NRAP: variants seen among roughly 807,000 people sequenced by gnomAD.
NRAP encodes nebulin-related-anchoring protein.
A neutral mutation model predicts 225.9 loss-of-function variants in NRAP; 189 were observed. That is an observed-to-expected ratio of 0.84 (90% CI 0.74 to 0.94). NRAP has a LOEUF of 0.94. Ranked by LOEUF, NRAP falls within the 40% of genes least tolerant of loss-of-function variation. The pLI, the probability that NRAP is intolerant of heterozygous loss-of-function variation, is 0.00. For synonymous variants in NRAP, 769 were observed against 790.7 expected (o/e 0.97, Z 0.46); for missense variants, 2,176 against 2,168.7 (o/e 1.00, Z -0.07).
intron 3 of NRAP, among the ~76,000 whole-genome samples, chr10:113,662,290 T>C (rs181748573): frequency 3.6e-4 from 55 of 152,326 alleles, no homozygotes; most frequent in Admixed American, 6.5e-5. Context: ...TGTTACATAT[T>C]AGAATGTGTA....
Position 113,663,427 on chromosome 10 carries a change from A to T in NRAP, c.92T>A (p.Phe31Tyr), listed in dbSNP as rs1850817973. 1.2e-6 allele frequency: 2 copies of T among 1,609,848 alleles called. No individual in the cohort carries two copies. The highest frequency in any genetic ancestry group is 1.7e-5 in the Admixed American group (1 of 60,018). The part of the protein sequence containing the change: ...CIDQIWHKAC[F>Y]HCEVCKMMLS... Reference sequence around the variant, plus strand: ...CATCATCTTGCAAACTTCACAGTGAAAACAGGCTTTATGCCATATCTAGAA... The same window carrying T: ...CATCATCTTGCAAACTTCACAGTGATAACAGGCTTTATGCCATATCTAGAA... Residue 31 changes from phenylalanine (F) to tyrosine (Y), a missense_variant, in exon 2 of 42, where the codon TTT (phenylalanine) becomes TAT (tyrosine). Coordinates refer to ENST00000359988, the MANE Select transcript of NRAP (RefSeq NM_198060.4).
chr10:113,601,376 A>G lies in NRAP; in HGVS notation c.4227+3233T>C, dbSNP rs374241687. The stretch of plus-strand genomic sequence containing the variant: ...ATTTAGCACTTGTTTCCTTTTTTGC[A>G]TAATAGAAACACGTGAAATGGGAGT... On this transcript the variant is annotated intron_variant, in intron 35 of 41. Transcript: ENST00000359988. Among the ~76,000 whole-genome samples, 17 of 152,322 alleles carry G rather than the reference A, an allele frequency of 1.1e-4. No individual in the cohort carries two copies. In the East Asian group the frequency reaches 1.9e-3, roughly 17 times the overall value.
intron 25 of NRAP, among the ~76,000 whole-genome samples, chr10:113,618,269 G>A (rs577340867): frequency 6.6e-6 from 1 of 152,156 alleles, no homozygotes; most frequent in East Asian, 1.9e-4. Context: ...TTAGGAGACA[G>A]AAACCATAAT....
chr10:113,606,544 T>C (rs1846977792), intron 32 of NRAP, among the ~76,000 whole-genome samples: 1 of 152,148 alleles, frequency 6.6e-6, no homozygotes, highest in South Asian at 2.1e-4. Context: ...GAAAAATAAA[T>C]TTAAGAATAC....
chr10:113,612,956 C>T (rs1486541836), intron 29 of NRAP, among the ~76,000 whole-genome samples: 1 of 152,158 alleles, frequency 6.6e-6, no homozygotes, highest in Admixed American at 6.5e-5. Context: ...TAGGCATTCC[C>T]CAAAACCCAA....
chr10:113,629,681 G>T lies in NRAP; in HGVS notation c.1947C>A (p.Asp649Glu). 1 of 1,613,914 alleles carries T rather than the reference G, an allele frequency of 6.2e-7. No homozygotes were observed. The highest frequency in any genetic ancestry group is 2.2e-5 in the East Asian group (1 of 44,882). The change falls in exon 19 of 42, where the codon GAC (aspartate) becomes GAA (glutamate). Residue 649 changes from aspartate (D) to glutamate (E), a missense_variant. Physicochemically the swap from Asp to Glu is conservative, Grantham distance 45. This residue lies in a region of NRAP where 1,708 missense variants were observed against 1,695.5 expected (regional missense o/e 1.01). Coordinates refer to ENST00000359988, the MANE Select transcript of NRAP (RefSeq NM_198060.4). ...HAKKAQTLAS[D>E]LDYRKKLHEY... ...CATGCAGTTTCTTCCTGTAGTCCAG[G>T]TCACTGGCGAGAGTTTGGGCCTTCT...
chr10:113,648,044 C>T (rs1849686415), intron 9 of NRAP, among the ~76,000 whole-genome samples: 1 of 152,164 alleles, frequency 6.6e-6, no homozygotes, highest in African/African-American at 2.4e-5. Flanking sequence ...GGACCTGCCC[C>T]AGGCAGAGTC....
intron 13 of NRAP, among the ~76,000 whole-genome samples, chr10:113,640,941 A>G (rs1259736367): frequency 6.6e-6 from 1 of 152,204 alleles, no homozygotes; most frequent in Non-Finnish European, 1.5e-5. Flanking sequence ...GTAGGTTTTC[A>G]ATGAATACAA....
chr10:113,662,554 T>G (rs1850745361), intron 3 of NRAP, 125 bp downstream of exon 3: 1 of 674,578 alleles, frequency 1.5e-6, no homozygotes, highest in Non-Finnish European at 2.6e-6. Context: ...TCCCAAAGTG[T>G]TGGAATTGTA....
rs751414884 is a variant in NRAP, at chr10:113,646,978, G to A, written c.938C>T (p.Ala313Val). Reference sequence around the variant, plus strand: ...GTTCTGATATGCTGGAGTGATCATAGCTGGGAAGCTGCCCTTTCCCCTGTG... The same window carrying A: ...GTTCTGATATGCTGGAGTGATCATAACTGGGAAGCTGCCCTTTCCCCTGTG... ...EEHRGKGSFP[A>V]MITPAYQNAK... Residue 313 changes from alanine (A) to valine (V), a missense_variant, in exon 10 of 42, where the codon GCT becomes GTT. Transcript: ENST00000359988. The A allele has an allele frequency of 4.3e-6, 7 of 1,614,104 alleles. No individual in the cohort carries two copies. Among genetic ancestry groups the A allele is most frequent in the Non-Finnish European group, 5.9e-6 (7 of 1,179,972 alleles).
At chr10:113,660,739 G>A (rs144714105) in intron 3 of NRAP, among the ~76,000 whole-genome samples, 128 of 152,212 alleles carry the variant, frequency 8.4e-4, no homozygotes, top group Non-Finnish European at 1.5e-3. Flanking sequence ...TCAAATCCTC[G>A]CTACACAACT....
At chr10:113,662,160 T>C (rs1438528055) in intron 3 of NRAP, among the ~76,000 whole-genome samples, 1 of 152,200 alleles carries the variant, frequency 6.6e-6, no homozygotes, top group African/African-American at 2.4e-5. Flanking sequence ...TTTACATGTG[T>C]ATGTGGAGGA....
At chr10:113,611,759 C>T (rs561398290) in intron 30 of NRAP, among the ~76,000 whole-genome samples, 9 of 152,274 alleles carry the variant, frequency 5.9e-5, no homozygotes, top group Non-Finnish European at 1.3e-4. Context: ...ACGCATGAAG[C>T]ACCAAGAGGA....
intron 13 of NRAP, 90 bp from the exon 14 acceptor site, chr10:113,640,421 T>C (rs1849136091): frequency 1.4e-6 from 1 of 691,890 alleles, no homozygotes; most frequent in Non-Finnish European, 2.4e-6. Flanking sequence ...ATTTTTTAAA[T>C]ACCCAGAAAC....
At chr10:113,635,276 C>T (rs995190679) in intron 14 of NRAP, among the ~76,000 whole-genome samples, 4 of 152,190 alleles carry the variant, frequency 2.6e-5, no homozygotes, top group African/African-American at 9.7e-5. Flanking sequence ...AGTAAAGGAA[C>T]AGGTTTGAGG....
Position 113,650,313 on chromosome 10 carries a change from C to G in NRAP, c.783+125G>C, listed in dbSNP as rs1040760008. 7.3e-6 allele frequency: 6 copies of G among 826,598 alleles called. No individual in the cohort carries two copies. In the Admixed American group the frequency reaches 8.2e-5, roughly 11 times the overall value. 51.2% of individuals were successfully genotyped at this position (826,598 alleles called of 1,614,324 possible). Reference sequence around the variant, plus strand: ...TGTCATTGGTAAAATTGACTTAAAACTATAAAGGAAAACTACTCCCTGGCT... The same window carrying G: ...TGTCATTGGTAAAATTGACTTAAAAGTATAAAGGAAAACTACTCCCTGGCT... On this transcript the variant is annotated intron_variant, in intron 8 of 41. Transcript: ENST00000359988.
intron 20 of NRAP, among the ~76,000 whole-genome samples, chr10:113,627,254 G>A (rs1236993014): frequency 2.0e-5 from 3 of 152,292 alleles, no homozygotes; most frequent in East Asian, 1.9e-4. Flanking sequence ...ACATTACCCC[G>A]CCATTGTTGG....
intron 38 of NRAP, among the ~76,000 whole-genome samples, chr10:113,592,846 A>G (rs1347136799): frequency 6.6e-6 from 1 of 152,170 alleles, no homozygotes; most frequent in Non-Finnish European, 1.5e-5. Context: ...CACGAAGGGA[A>G]GAGCCTTCAC....
At chr10:113,602,177 C>A (rs996526663) in intron 35 of NRAP, among the ~76,000 whole-genome samples, 1 of 152,194 alleles carries the variant, frequency 6.6e-6, no homozygotes, top group Non-Finnish European at 1.5e-5. Flanking sequence ...CACACCCGGC[C>A]CCTTTTTGCT....
Sources: gnomAD v4.1 joint callset for allele counts (sites outside exome capture counted in the v4.1 genomes callset) on GRCh38, gnomAD v4.1.1 for gene constraint, gnomAD v4.1.1 regional missense constraint, MANE v1.5 for transcripts, NCBI Gene and HGNC (gene_info 2026-07-23, HGNC 2026-07-21) for gene names.